The following FA2H variants were observed in gnomAD, a reference collection of about 807,000 sequenced individuals.
The protein encoded by FA2H is fatty acid 2-hydroxylase, also known as fatty acid alpha-hydroxylase.
Under a neutral mutation model 44.9 loss-of-function variants are expected in FA2H, and 22 were observed. That is an observed-to-expected ratio of 0.49 (90% confidence interval 0.35 to 0.70). The LOEUF is 0.70. FA2H is among the 30% of genes least tolerant of loss of function. The probability of loss-of-function intolerance (pLI) is 0.01; values close to 1 mark genes in which losing one functional copy is unlikely to be tolerated. For missense variants in FA2H, 501 were observed against 504.9 expected (o/e 0.99, Z 0.07); for synonymous variants, 243 against 213.2 (o/e 1.14, Z -1.22).
intron 4 of FA2H, among the ~76,000 whole-genome samples, chr16:74,725,413 G>A (rs1190733118): frequency 1.3e-5 from 2 of 152,216 alleles, no homozygotes; most frequent in Admixed American, 6.5e-5. Flanking sequence ...GGGGCTGGCT[G>A]TCCCAGCGGC....
In FA2H at chr16:74,719,076, A is replaced by G; in HGVS notation, c.698T>C (p.Ile233Thr). The stretch of plus-strand genomic sequence containing the variant: ...CTTCATGTGGAACAGGAAGCGGTGG[A>G]TGAGGTACTCGATGAGGCTCCAGAG... ...TFLWSLIEYL[I>T]HRFLFHMKPP... The change falls in exon 5 of 7, where the codon ATC (isoleucine) becomes ACC (threonine). Residue 233 changes from isoleucine (I) to threonine (T), a missense_variant. Ile to Thr is a moderately conservative substitution (Grantham distance 89). Coordinates refer to ENST00000219368, the MANE Select transcript of FA2H (RefSeq NM_024306.5). 1 of 1,614,052 alleles carries G rather than the reference A, an allele frequency of 6.2e-7. No homozygotes were observed. The highest frequency in any genetic ancestry group is 8.5e-7 in the Non-Finnish European group (1 of 1,180,024).
At position 74,713,244 on chromosome 16, in the gene FA2H, C is replaced by G. The variant is rs1488023235; in HGVS notation, c.*946G>C. On this transcript the variant is annotated 3_prime_UTR_variant, in exon 7 of 7. Transcript: ENST00000219368. ...ATTAGAAAGGGCCGTCTGACCAGCT[C>G]CTTGGTCTGGGACCAGACTAAGAAC... 1.3e-5 allele frequency: 2 copies of G among 152,660 alleles called. No individual in the cohort carries two copies. Among genetic ancestry groups the G allele is most frequent in the African/African-American group, 2.4e-5 (1 of 41,452 alleles). The allele number at this position is 152,660 out of a possible 1,614,324, so 9.5% of individuals were successfully genotyped here. A position where few individuals can be genotyped will look rare whatever the true frequency, so the allele number is the denominator to read the frequency against.
chr16:74,748,620 G>T (rs1208322417), intron 1 of FA2H, among the ~76,000 whole-genome samples: 2 of 152,162 alleles, frequency 1.3e-5, no homozygotes, highest in African/African-American at 4.8e-5. Context: ...GCTTCCTCCA[G>T]GGTCCCAGAC....
At chr16:74,755,368 C>T (rs1405876616) in intron 1 of FA2H, among the ~76,000 whole-genome samples, 2 of 151,960 alleles carry the variant, frequency 1.3e-5, no homozygotes, top group African/African-American at 2.4e-5. Flanking sequence ...TTAGTAGAGA[C>T]GGGGTTTCGC....
At position 74,740,839 on chromosome 16, in the gene FA2H, G is replaced by A. The variant is rs549437726; in HGVS notation, c.271-724C>T. On this transcript the variant is annotated intron_variant, in intron 1 of 6. Coordinates refer to ENST00000219368, the MANE Select transcript of FA2H (RefSeq NM_024306.5). Reference sequence around the variant, plus strand: ...CAGGCAAAGGGAGTCCCAGGGTAGCGCCCAGGGCACCTGGTGGGGCTCACA... The same window carrying A: ...CAGGCAAAGGGAGTCCCAGGGTAGCACCCAGGGCACCTGGTGGGGCTCACA... 4.6e-5 allele frequency among the ~76,000 whole-genome samples: 7 copies of A among 152,124 alleles called. No individual in the cohort carries two copies. In the South Asian group the frequency reaches 1.0e-3, roughly 23 times the overall value.
In FA2H at chr16:74,774,576, G is replaced by C. The variant is rs1306270479; in HGVS notation, c.180C>G (p.Ala60=). The change falls in exon 1 of 7, where the codon GCC becomes GCG. Residue 60 remains alanine (A), a synonymous_variant. Coordinates refer to ENST00000219368, the MANE Select transcript of FA2H (RefSeq NM_024306.5). ...LRARAGQDIS[A]DLDGPPHRHS... The stretch of plus-strand genomic sequence containing the variant: ...GCCTGTGCGGCGGCCCGTCCAGGTC[G>C]GCGCTGATGTCCTGGCCCGCCCTGG... 2 of 1,539,114 alleles carry C rather than the reference G, an allele frequency of 1.3e-6. No homozygotes were observed. The highest frequency in any genetic ancestry group is 3.8e-5 in the Admixed American group (2 of 52,300).
chr16:74,727,294 G>A lies in FA2H; in HGVS notation c.456C>T (p.Pro152=), dbSNP rs766599125. Residue 152 remains proline (P), a synonymous_variant, in exon 3 of 7, where the codon CCC becomes CCT. Coordinates refer to ENST00000219368, the MANE Select transcript of FA2H (RefSeq NM_024306.5). The part of the protein sequence containing the change: ...DEWVHQPVTR[P]IRLFHSDLIE... ...TGAGGTCTGAGTGGAAGAGGCGGAT[G>A]GGCCTGGTCACCGGCTGGTGAACCC... 10 of 1,614,172 alleles carry A rather than the reference G, an allele frequency of 6.2e-6. No homozygotes were observed. Among genetic ancestry groups the A allele is most frequent in the Non-Finnish European group, 8.5e-6 (10 of 1,180,018 alleles).
chr16:74,732,045 T>TTTTG (rs750985986), intron 2 of FA2H, among the ~76,000 whole-genome samples: 7 of 152,136 alleles, frequency 4.6e-5, no homozygotes, highest in Admixed American at 1.3e-4. Flanking sequence ...GCTAATTGTT[T>TTTTG]TTTGTTTGTT....
chr16:74,761,057 C>T (rs1962698142), intron 1 of FA2H, among the ~76,000 whole-genome samples: 1 of 152,118 alleles, frequency 6.6e-6, no homozygotes, highest in African/African-American at 2.4e-5. Context: ...CACCATGGCA[C>T]ACGTTTACCT....
At chr16:74,726,104 C>T (rs1961947731) in intron 4 of FA2H, 121 bp downstream of exon 4, 1 of 730,680 alleles carries the variant, frequency 1.4e-6, no homozygotes, top group Non-Finnish European at 2.5e-6. Flanking sequence ...AGAGGCTTCA[C>T]CAAAAATGTC....
chr16:74,757,909 T>C (rs1307640841), intron 1 of FA2H, among the ~76,000 whole-genome samples: 1 of 151,890 alleles, frequency 6.6e-6, no homozygotes, highest in African/African-American at 2.4e-5. Context: ...GTCCCAGCTA[T>C]TTGGGAGGCT....
intron 1 of FA2H, among the ~76,000 whole-genome samples, chr16:74,765,021 G>C (rs1962782736): frequency 6.6e-6 from 1 of 152,074 alleles, no homozygotes; most frequent in Non-Finnish European, 1.5e-5. Flanking sequence ...GCCTGCTAAG[G>C]GAGAGGTTTT....
chr16:74,757,745 C>T (rs1313140121), intron 1 of FA2H, among the ~76,000 whole-genome samples: 19 of 152,110 alleles, frequency 1.2e-4, no homozygotes, highest in Admixed American at 9.2e-4. Context: ...GGCTGGGCGT[C>T]GTGGCACATG....
intron 1 of FA2H, among the ~76,000 whole-genome samples, chr16:74,762,676 C>T (rs1597570735): frequency 6.6e-6 from 1 of 152,108 alleles, no homozygotes; most frequent in South Asian, 2.1e-4. Context: ...ACTACAGGTG[C>T]ATGCCATCAC....
intron 1 of FA2H, among the ~76,000 whole-genome samples, chr16:74,765,127 T>C (rs1169159774): frequency 1.3e-5 from 2 of 150,964 alleles, no homozygotes; most frequent in Non-Finnish European, 3.0e-5. Context: ...CCCAACCTTT[T>C]AACAAGACAC....
intron 1 of FA2H, chr16:74,741,354 A>G (rs1398934337): frequency 6.6e-6 from 1 of 152,212 alleles, no homozygotes; most frequent in Non-Finnish European, 1.5e-5. Context: ...GACAGTGACT[A>G]TTTTGGCATT....
intron 1 of FA2H, among the ~76,000 whole-genome samples, chr16:74,764,801 T>G (rs1394675854): frequency 1.3e-5 from 2 of 151,502 alleles, no homozygotes; most frequent in Non-Finnish European, 2.9e-5. Flanking sequence ...TTTAGAGAAT[T>G]TTGCATGAAA....
chr16:74,742,654 C>T (rs953632295), intron 1 of FA2H, among the ~76,000 whole-genome samples: 2 of 151,988 alleles, frequency 1.3e-5, no homozygotes, highest in Non-Finnish European at 2.9e-5. Flanking sequence ...GGCAACAAAG[C>T]AAGACCCTGT....
intron 1 of FA2H, among the ~76,000 whole-genome samples, chr16:74,765,993 G>C (rs1338246837): frequency 2.0e-5 from 3 of 152,122 alleles, no homozygotes; most frequent in African/African-American, 7.2e-5. Flanking sequence ...AAGAGCCACA[G>C]TGGAAATATG....
Sources: allele counts gnomAD v4.1 joint callset (sites outside exome capture counted in the v4.1 genomes callset), GRCh38; gene constraint gnomAD v4.1.1; transcripts MANE v1.5; gene names NCBI Gene and HGNC (gene_info 2026-07-23, HGNC 2026-07-21).